The following ZNRF1 variants were observed in gnomAD, a reference collection of about 807,000 sequenced individuals.
ZNRF1 encodes zinc and ring finger 1.
In ZNRF1, 3 loss-of-function variants were observed where a neutral mutation model predicts 18.4. That is an observed-to-expected ratio of 0.16 (90% confidence interval 0.07 to 0.42). ZNRF1 has a LOEUF of 0.42. Ranked by LOEUF, ZNRF1 falls within the 10% of genes least tolerant of loss-of-function variation. The pLI is 0.99. For missense variants in ZNRF1, 310 were observed against 329.8 expected, an observed-to-expected ratio of 0.94 and a Z score of 0.47; for synonymous variants, 157 against 144.2, an observed-to-expected ratio of 1.09 and a Z score of -0.64.
At chr16:75,056,301 C>T (rs112663605) in intron 1 of ZNRF1, among the ~76,000 whole-genome samples, 11 of 152,344 alleles carry the variant, frequency 7.2e-5, no homozygotes, top group African/African-American at 2.6e-4. Flanking sequence ...ACATTTTCAT[C>T]AGGCAGCTCT....
chr16:75,053,144 C>T (rs557758816), intron 1 of ZNRF1, among the ~76,000 whole-genome samples: 4 of 152,164 alleles, frequency 2.6e-5, no homozygotes, highest in Non-Finnish European at 5.9e-5. Context: ...GGCTTTATCT[C>T]ACTTCCCACC....
At chr16:75,044,169 T>C (rs563728751) in intron 1 of ZNRF1, among the ~76,000 whole-genome samples, 1 of 152,038 alleles carries the variant, frequency 6.6e-6, no homozygotes, top group East Asian at 1.9e-4. Context: ...TGGAATTTCT[T>C]AGAGTGGTTT....
chr16:75,097,028 G>A lies in ZNRF1; in HGVS notation c.520+3361G>A, dbSNP rs151037796. Among the ~76,000 whole-genome samples, 802 of 152,266 alleles carry A rather than the reference G, an allele frequency of 5.3e-3. 9 individuals carry two copies. The highest frequency in any genetic ancestry group is 5.8e-3 in the Non-Finnish European group (392 of 68,014). On this transcript the variant is annotated intron_variant, in intron 2 of 4. Coordinates refer to ENST00000335325, the MANE Select transcript of ZNRF1 (RefSeq NM_032268.5). The stretch of plus-strand genomic sequence containing the variant: ...TGTTAAACCCCCTGTCCTCCTAAGC[G>A]CCTTCCTGGAAGGTGAGGATACTGT...
chr16:75,061,525 ATG>A (rs1567482679), intron 1 of ZNRF1, among the ~76,000 whole-genome samples: 6 of 105,666 alleles, frequency 5.7e-5, no homozygotes, highest in Non-Finnish European at 1.0e-4. Flanking sequence ...CATAGTGTAT[ATG>A]TACCTTCCAT....
At chr16:75,078,292 T>C (rs559527617) in intron 1 of ZNRF1, among the ~76,000 whole-genome samples, 2 of 148,410 alleles carry the variant, frequency 1.3e-5, no homozygotes, top group African/African-American at 5.1e-5. Flanking sequence ...CATTTCTTTC[T>C]TTCCTTTTTT....
intron 1 of ZNRF1, among the ~76,000 whole-genome samples, chr16:75,087,965 T>C (rs190853261): frequency 6.6e-6 from 1 of 152,346 alleles, no homozygotes; most frequent in Non-Finnish European, 1.5e-5. Flanking sequence ...CCTGTAGATG[T>C]CTCCTGAAGC....
At chr16:75,032,706 A>G (rs1372920502) in intron 1 of ZNRF1, among the ~76,000 whole-genome samples, 1 of 152,208 alleles carries the variant, frequency 6.6e-6, no homozygotes, top group African/African-American at 2.4e-5. Context: ...CTCAACAACC[A>G]AAAGACAAAC....
At chr16:75,015,897 C>G (rs942537520) in intron 1 of ZNRF1, among the ~76,000 whole-genome samples, 2 of 151,488 alleles carry the variant, frequency 1.3e-5, no homozygotes, top group African/African-American at 4.9e-5. Flanking sequence ...GTCATCTATC[C>G]TTGTGCTAAT....
intron 1 of ZNRF1, chr16:75,002,297 C>T (rs1355208197): frequency 1.3e-5 from 2 of 152,248 alleles, no homozygotes; most frequent in African/African-American, 2.4e-5. Context: ...ACCATGGGAT[C>T]TTCCAGGACA....
Position 75,051,041 on chromosome 16 carries a change from A to G in ZNRF1, c.425-42531A>G, listed in dbSNP as rs997436875. 4.6e-3 allele frequency among the ~76,000 whole-genome samples: 307 copies of G among 66,150 alleles called. 1 individual carries two copies. The highest frequency in any genetic ancestry group is 0.013 in the Non-Finnish European group (240 of 18,018). The allele number at this position is 66,150 out of a possible 152,430, so 43.4% of individuals were successfully genotyped here. On this transcript the variant is annotated intron_variant, in intron 1 of 4. Transcript: ENST00000335325. ...GACCTTGTCGCTACAAAAAGAAAAAAAAAAAAAACAAAACCTGGGTGTCGT... is the reference window on the plus strand; with the variant it reads ...GACCTTGTCGCTACAAAAAGAAAAAGAAAAAAAACAAAACCTGGGTGTCGT...
chr16:75,094,469 C>G (rs2036176350), intron 2 of ZNRF1, among the ~76,000 whole-genome samples: 1 of 152,212 alleles, frequency 6.6e-6, no homozygotes. Flanking sequence ...GTTCAAATCT[C>G]CCTCTACCAC....
chr16:75,079,856 G>GT (rs1200415294), intron 1 of ZNRF1, among the ~76,000 whole-genome samples: 4 of 152,230 alleles, frequency 2.6e-5, no homozygotes, highest in African/African-American at 9.6e-5. Context: ...AAGGTAGCCT[G>GT]TAGTGTAGCT....
intron 1 of ZNRF1, among the ~76,000 whole-genome samples, chr16:75,059,850 G>C (rs1466429338): frequency 6.6e-6 from 1 of 152,158 alleles, no homozygotes; most frequent in Non-Finnish European, 1.5e-5. Context: ...GACCCTTGAA[G>C]TTACATTCTT....
chr16:75,074,567 G>A (rs917532879), intron 1 of ZNRF1, among the ~76,000 whole-genome samples: 1 of 152,320 alleles, frequency 6.6e-6, no homozygotes, highest in South Asian at 2.1e-4. Flanking sequence ...TTCAATCCCA[G>A]GCAAGTTTGA....
chr16:75,032,942 G>A (rs1312396683), intron 1 of ZNRF1, among the ~76,000 whole-genome samples: 1 of 152,174 alleles, frequency 6.6e-6, no homozygotes, highest in African/African-American at 2.4e-5. Context: ...GAGCCAAGGT[G>A]TTCAAGGCTG....
chr16:75,090,389 G>A (rs1224379645), intron 1 of ZNRF1, among the ~76,000 whole-genome samples: 2 of 152,068 alleles, frequency 1.3e-5, no homozygotes, highest in Non-Finnish European at 2.9e-5. Context: ...TGGTTGTTGT[G>A]TCCTTTTTGT....
At chr16:75,054,826 G>A (rs978397347) in intron 1 of ZNRF1, among the ~76,000 whole-genome samples, 1 of 152,188 alleles carries the variant, frequency 6.6e-6, no homozygotes, top group Non-Finnish European at 1.5e-5. Context: ...ATGGTGCTTT[G>A]GCCTTCACTG....
At chr16:75,046,104 A>T (rs1307906323) in intron 1 of ZNRF1, among the ~76,000 whole-genome samples, 1 of 151,204 alleles carries the variant, frequency 6.6e-6, no homozygotes. Context: ...GGGTTTCACC[A>T]TGTTAACCAG....
chr16:75,006,344 G>A (rs2034916728), intron 1 of ZNRF1, among the ~76,000 whole-genome samples: 1 of 152,198 alleles, frequency 6.6e-6, no homozygotes. Flanking sequence ...TTAGGTAGGG[G>A]TGTTTTTAAT....
Sources: gnomAD v4.1 joint callset for allele counts (sites outside exome capture counted in the v4.1 genomes callset) on GRCh38, gnomAD v4.1.1 for gene constraint, MANE v1.5 for transcripts, NCBI Gene and HGNC (gene_info 2026-07-23, HGNC 2026-07-21) for gene names.